Variants in PTER observed in about 807,000 individuals in gnomAD.
The protein encoded by PTER is phosphotriesterase related.
A neutral mutation model predicts 29.6 loss-of-function variants in PTER; 38 were observed. The observed-to-expected ratio is 1.28, with a 90% CI of 0.99 to 1.68. The LOEUF (loss-of-function observed/expected upper bound fraction) is 1.68. Among genes scored for constraint, PTER ranks in the 40% most tolerant of loss-of-function variants. PTER has a pLI of 0.00. For missense variants in PTER, 482 were observed against 427.8 expected (o/e 1.13, Z -1.12); for synonymous variants, 172 against 154.5 (o/e 1.11, Z -0.84).
chr10:16,479,998 A>T (rs1262192373), intron 1 of PTER, among the ~76,000 whole-genome samples: 1 of 144,492 alleles, frequency 6.9e-6, no homozygotes. Flanking sequence ...CATTTTACTC[A>T]TAGTATTAGG....
At position 16,491,064 on chromosome 10, in the gene PTER, T is replaced by C. The variant is rs576297144; in HGVS notation, c.698+4447T>C. Among the ~76,000 whole-genome samples the C allele has an allele frequency of 8.5e-5, 13 of 152,152 alleles. No individual in the cohort carries two copies. The South Asian group carries it at 2.5e-3, about 29-fold the overall frequency. On this transcript the variant is annotated intron_variant, in intron 3 of 4. Coordinates refer to ENST00000535784, the MANE Select transcript of PTER (RefSeq NM_001261836.2). ...TTACCAGATTTCCATTTGGCTGCAG[T>C]TTCAATATATCTCTCTAGAATGGGT...
chr10:16,514,252 A>G (rs1273513176), downstream of PTER: 6 of 438,618 alleles, frequency 1.4e-5, no homozygotes, highest in African/African-American at 2.0e-5. Context: ...GTCTATAAAA[A>G]TTTGTGATCT....
intron 1 of PTER, among the ~76,000 whole-genome samples, chr10:16,451,683 G>T (rs1335661519): frequency 6.6e-6 from 1 of 152,178 alleles, no homozygotes; most frequent in Non-Finnish European, 1.5e-5. Context: ...CTGCACTCCA[G>T]CCTGCACAAC....
chr10:16,505,432 C>A (rs978439584), intron 4 of PTER, among the ~76,000 whole-genome samples: 2 of 152,076 alleles, frequency 1.3e-5, no homozygotes, highest in African/African-American at 4.8e-5. Flanking sequence ...AATACCCAAC[C>A]CCTGCCATGA....
downstream of PTER, among the ~76,000 whole-genome samples, chr10:16,515,121 A>C (rs893274514): frequency 2.0e-5 from 3 of 152,104 alleles, no homozygotes; most frequent in Admixed American, 2.0e-4. Context: ...TGAGTACAGA[A>C]GTTCAAGTCT....
rs2133453991 is a variant in PTER, at chr10:16,486,370, A to G, written c.451A>G (p.Asn151Asp). The change falls in exon 3 of 5, where the codon AAT (asparagine) becomes GAT (aspartate). Residue 151 changes from asparagine to aspartate, a missense_variant. Physicochemically the swap from Asn to Asp is conservative, Grantham distance 23 (BLOSUM62 1). Transcript: ENST00000535784. ...TCCTTAGCTTACCGATGTCCTTATG[A>G]ATGAAATTCTCCATGGAGCTGATGG... ...SVEQLTDVLM[N>D]EILHGADGTS... 1 of 1,613,818 alleles carries G rather than the reference A, an allele frequency of 6.2e-7. No individual in the cohort carries two copies. Among genetic ancestry groups the G allele is most frequent in the Non-Finnish European group, 8.5e-7 (1 of 1,179,788 alleles).
chr10:16,516,028 C>T (rs564590900), downstream of PTER, among the ~76,000 whole-genome samples: 1 of 151,996 alleles, frequency 6.6e-6, no homozygotes, highest in Admixed American at 6.6e-5. Flanking sequence ...TATAGTCTCA[C>T]GTTAATGCTG....
At chr10:16,499,753 T>C (rs1836261458) in intron 3 of PTER, among the ~76,000 whole-genome samples, 1 of 151,518 alleles carries the variant, frequency 6.6e-6, no homozygotes, top group East Asian at 2.0e-4. Flanking sequence ...TGAATTCATT[T>C]CTTAATTGCC....
chr10:16,506,514 C>A (rs1236929535), intron 4 of PTER, among the ~76,000 whole-genome samples: 1 of 152,004 alleles, frequency 6.6e-6, no homozygotes, highest in Admixed American at 6.6e-5. Flanking sequence ...TGGAAGTGTT[C>A]AATAGATGTT....
chr10:16,468,646 G>A (rs1019899160), intron 1 of PTER, among the ~76,000 whole-genome samples: 25 of 152,044 alleles, frequency 1.6e-4, no homozygotes, highest in African/African-American at 4.8e-4. Context: ...GTGACTCACC[G>A]CAACGAGCTC....
chr10:16,457,273 C>T lies in PTER; in HGVS notation c.-49+20226C>T, dbSNP rs376049770. Among the ~76,000 whole-genome samples, 82 of 152,058 alleles carry T rather than the reference C, an allele frequency of 5.4e-4. 1 individual carries two copies. Among genetic ancestry groups the T allele is most frequent in the African/African-American group, 1.4e-3 (58 of 41,504 alleles). On this transcript the variant is annotated intron_variant, in intron 1 of 4. Coordinates refer to ENST00000535784, the MANE Select transcript of PTER (RefSeq NM_001261836.2). ...TGTTGCCCAGGCTGGAGTGCAGTGGCGCGATCTCGGCTCACTGCAAGCTCC... is the reference window on the plus strand; with the variant it reads ...TGTTGCCCAGGCTGGAGTGCAGTGGTGCGATCTCGGCTCACTGCAAGCTCC...
intron 1 of PTER, among the ~76,000 whole-genome samples, chr10:16,470,486 G>A (rs1175008750): frequency 2.0e-5 from 3 of 152,206 alleles, no homozygotes; most frequent in Non-Finnish European, 4.4e-5. Flanking sequence ...AGGGTTTCTT[G>A]GGAGGGAGCG....
intron 3 of PTER, among the ~76,000 whole-genome samples, chr10:16,501,371 GCACACACACACA>G (rs377037547): frequency 2.8e-5 from 1 of 36,208 alleles, no homozygotes. Context: ...ACACACACAT[GCACACACACACA>G]CACACACCCC....
intron 1 of PTER, among the ~76,000 whole-genome samples, chr10:16,459,994 C>T (rs868030485): frequency 2.6e-5 from 4 of 152,214 alleles, no homozygotes; most frequent in Non-Finnish European, 5.9e-5. Flanking sequence ...GTGATCTGCC[C>T]GCCTCGGCCT....
chr10:16,460,953 G>A (rs1564390237), intron 1 of PTER, among the ~76,000 whole-genome samples: 1 of 152,126 alleles, frequency 6.6e-6, no homozygotes, highest in African/African-American at 2.4e-5. Flanking sequence ...CTGACCTCAG[G>A]TGATCCACCT....
intron 1 of PTER, among the ~76,000 whole-genome samples, chr10:16,452,717 CTCT>C (rs768719408): frequency 3.3e-5 from 5 of 151,148 alleles, no homozygotes; most frequent in South Asian, 2.1e-4. Flanking sequence ...TTTCCTCTTC[CTCT>C]TCTTCTTCTA....
intron 1 of PTER, among the ~76,000 whole-genome samples, chr10:16,444,223 T>G (rs1588580124): frequency 6.6e-6 from 1 of 152,196 alleles, no homozygotes; most frequent in East Asian, 1.9e-4. Flanking sequence ...CTCAATCTCT[T>G]GACTCGTGAT....
At chr10:16,496,464 T>G (rs1836104120) in intron 3 of PTER, among the ~76,000 whole-genome samples, 1 of 152,206 alleles carries the variant, frequency 6.6e-6, no homozygotes, top group Non-Finnish European at 1.5e-5. Flanking sequence ...TATATGCATC[T>G]CACACATGCT....
chr10:16,490,134 A>C (rs2133463121), intron 3 of PTER, among the ~76,000 whole-genome samples: 1 of 152,316 alleles, frequency 6.6e-6, no homozygotes, highest in African/African-American at 2.4e-5. Flanking sequence ...GAACCCTTAC[A>C]TTAGCCTATA....
Sources: allele counts gnomAD v4.1 joint callset (sites outside exome capture counted in the v4.1 genomes callset), GRCh38; gene constraint gnomAD v4.1.1; transcripts MANE v1.5; gene names NCBI Gene and HGNC (gene_info 2026-07-23, HGNC 2026-07-21).